The following PRKDC variants were observed in gnomAD, a reference collection of about 807,000 sequenced individuals.
PRKDC encodes DNA-dependent protein kinase catalytic subunit.
Under a neutral mutation model 486.9 loss-of-function variants are expected in PRKDC, and 82 were observed. The observed-to-expected ratio is 0.17, with a 90% CI of 0.14 to 0.20. The LOEUF (loss-of-function observed/expected upper bound fraction) is 0.20, where lower values mean the gene tolerates loss of function less well. Among genes scored for constraint, PRKDC ranks in the 10% least tolerant of loss-of-function variants. The pLI is 1.00. For synonymous variants in PRKDC, 1,895 were observed against 1,837.0 expected, an observed-to-expected ratio of 1.03 and a Z score of -0.81; for missense variants, 4,504 against 5,038.2, an observed-to-expected ratio of 0.89 and a Z score of 3.21.
At chr8:47,788,191 C>G (rs2154497752) in intron 76 of PRKDC, among the ~76,000 whole-genome samples, 1 of 152,344 alleles carries the variant, frequency 6.6e-6, no homozygotes, top group Middle Eastern at 3.4e-3. Flanking sequence ...GAACATTCGA[C>G]TCTTCTGGAG....
In PRKDC at chr8:47,887,577, A is replaced by G. The variant is rs988006727; in HGVS notation, c.4542T>C (p.Leu1514=). 5 of 1,593,198 alleles carry G rather than the reference A, an allele frequency of 3.1e-6. No homozygotes were observed. Among genetic ancestry groups the G allele is most frequent in the Non-Finnish European group, 4.3e-6 (5 of 1,169,720 alleles). The change falls in exon 35 of 86, where the codon CTT becomes CTC. Residue 1514 remains leucine, a synonymous_variant. Coordinates refer to ENST00000314191, the MANE Select transcript of PRKDC (RefSeq NM_006904.7). ...DLSCKQLASG[L]LELAFAFGGL... ...CTCCAAAAGCAAAGGCTAACTCCAG[A>G]AGTCCGCTGGCCAGCTGCTTACAAC...
At chr8:47,893,015 A>C in intron 31 of PRKDC, 124 bp downstream of exon 31, 1 of 1,181,430 alleles carries the variant, frequency 8.5e-7, no homozygotes, top group Non-Finnish European at 1.1e-6. Context: ...AGTGACATGA[A>C]AGCACGGGCA....
At position 47,773,257 on chromosome 8, in the gene PRKDC, G is replaced by C. The variant is rs77770830; in HGVS notation, c.*916C>G. On this transcript the variant is annotated 3_prime_UTR_variant, in exon 86 of 86. Coordinates refer to ENST00000314191, the MANE Select transcript of PRKDC (RefSeq NM_006904.7). ...CAGTTTGGGTGTGGAGGACTGGCGG[G>C]GGGGGACAGGGACTGCACATGGGAA... is the stretch of plus-strand genomic sequence containing the variant. 1,059 of 227,974 alleles carry C rather than the reference G, an allele frequency of 4.6e-3. 8 individuals carry two copies. The highest frequency in any genetic ancestry group is 0.01 in the South Asian group (56 of 5,534). 14.1% of individuals were successfully genotyped at this position (227,974 alleles called of 1,614,324 possible).
intron 31 of PRKDC, among the ~76,000 whole-genome samples, chr8:47,891,665 A>AGCC (rs1485671564): frequency 1.3e-5 from 2 of 152,066 alleles, no homozygotes; most frequent in African/African-American, 4.8e-5. Flanking sequence ...GCTTGCAGTG[A>AGCC]GCCAAGATCG....
At chr8:47,837,634 T>A (rs1215033973) in intron 56 of PRKDC, among the ~76,000 whole-genome samples, 1 of 152,064 alleles carries the variant, frequency 6.6e-6, no homozygotes, top group Non-Finnish European at 1.5e-5. Context: ...GCATATTTTT[T>A]ATGCCACAGA....
At chr8:47,866,151 C>A (rs566114924) in intron 40 of PRKDC, among the ~76,000 whole-genome samples, 1 of 134,338 alleles carries the variant, frequency 7.4e-6, no homozygotes, top group Non-Finnish European at 1.5e-5. Flanking sequence ...AGAGAAACTC[C>A]GTCGCAAAAA....
intron 62 of PRKDC, 140 bp downstream of exon 62, chr8:47,828,028 T>C (rs1029532240): frequency 7.3e-6 from 5 of 685,620 alleles, no homozygotes; most frequent in African/African-American, 1.9e-5. Flanking sequence ...ATTTGGGAAG[T>C]GGTAACCCAA....
chr8:47,845,072 C>G (rs898917650), intron 54 of PRKDC, among the ~76,000 whole-genome samples: 2 of 151,976 alleles, frequency 1.3e-5, no homozygotes, highest in African/African-American at 4.8e-5. Context: ...AAAAAATTAG[C>G]CAGGCGTGGT....
At position 47,836,507 on chromosome 8, in the gene PRKDC, A is replaced by G. The variant is rs373960418; in HGVS notation, c.7782T>C (p.Asp2594=). Residue 2594 remains aspartate (D), a synonymous_variant, in exon 58 of 86, where the codon GAT becomes GAC. Transcript: ENST00000314191. The part of the protein sequence containing the change: ...CEFQEYTIDS[D]WRFRSTVLTP... ...TGAGAACAGTACTTCGGAAACGCCAATCAGAATCAATGGTATATTCCTGTA... is the reference window on the plus strand; with the variant it reads ...TGAGAACAGTACTTCGGAAACGCCAGTCAGAATCAATGGTATATTCCTGTA... 2.7e-5 allele frequency: 44 copies of G among 1,601,918 alleles called. No individual in the cohort carries two copies. The highest frequency in any genetic ancestry group is 2.5e-4 in the East Asian group (11 of 44,516).
chr8:47,776,769 G>C lies in PRKDC; in HGVS notation c.12182+75C>G, dbSNP rs946190004. ...CAGAGTGTCAAGAGCTCAGCACTTT[G>C]TATATATGTTGGCTCCTCGAGAAAC... is the stretch of plus-strand genomic sequence containing the variant. On this transcript the variant is annotated intron_variant, in intron 85 of 85. Transcript: ENST00000314191. The C allele has an allele frequency of 1.9e-6, 3 of 1,540,136 alleles. No individual in the cohort carries two copies. In the East Asian group the frequency reaches 6.8e-5, roughly 35 times the overall value.
intron 19 of PRKDC, 60 bp downstream of exon 19, chr8:47,929,032 A>T (rs1472745309): frequency 1.6e-6 from 2 of 1,232,262 alleles, no homozygotes; most frequent in African/African-American, 1.5e-5. Context: ...GGATTTTTTC[A>T]ATAGATATTC....
intron 3 of PRKDC, 57 bp downstream of exon 3, chr8:47,957,114 A>G (rs892508594): frequency 6.7e-6 from 8 of 1,190,940 alleles, no homozygotes; most frequent in East Asian, 4.9e-5. Flanking sequence ...TCCTCACACC[A>G]TAAGTTAAAA....
intron 76 of PRKDC, among the ~76,000 whole-genome samples, chr8:47,785,717 C>T (rs1351956512): frequency 6.8e-6 from 1 of 146,228 alleles, no homozygotes; most frequent in Admixed American, 6.8e-5. Context: ...GCCTGGGTAT[C>T]CGAGTGAGAC....
chr8:47,944,533 T>C (rs1389139657), intron 7 of PRKDC, among the ~76,000 whole-genome samples: 2 of 150,098 alleles, frequency 1.3e-5, no homozygotes, highest in Admixed American at 6.6e-5. Flanking sequence ...GCCAAGATAT[T>C]ATGACAATTA....
chr8:47,887,536 G>A lies in PRKDC; in HGVS notation c.4572+11C>T, dbSNP rs781729761. On this transcript the variant is annotated intron_variant, in intron 35 of 85. Transcript: ENST00000314191. ...TTAGGGGAGTGCAGCATGCAGAGGC[G>A]TTTTTCCTACCAGTCCTCCAAAAGC... 29 of 1,565,658 alleles carry A rather than the reference G, an allele frequency of 1.9e-5. No individual in the cohort carries two copies. The highest frequency in any genetic ancestry group is 1.9e-5 in the Admixed American group (1 of 52,040).
At chr8:47,788,137 A>G (rs2086821163) in intron 76 of PRKDC, among the ~76,000 whole-genome samples, 2 of 152,370 alleles carry the variant, frequency 1.3e-5, no homozygotes, top group South Asian at 4.1e-4. Flanking sequence ...GACCCATGCT[A>G]AACAGAGAGA....
At chr8:47,934,638 T>C (rs2090316893) in intron 14 of PRKDC, among the ~76,000 whole-genome samples, 1 of 152,248 alleles carries the variant, frequency 6.6e-6, no homozygotes, top group South Asian at 2.1e-4. Context: ...ATCCACTGAA[T>C]GTGCTATCAT....
intron 74 of PRKDC, among the ~76,000 whole-genome samples, chr8:47,791,098 C>T (rs2086875312): frequency 1.3e-5 from 2 of 152,164 alleles, no homozygotes; most frequent in African/African-American, 2.4e-5. Flanking sequence ...AAAGCTTCTG[C>T]ACAGCAAAGG....
chr8:47,898,145 G>A (rs139146169), intron 29 of PRKDC, among the ~76,000 whole-genome samples: 140 of 152,294 alleles, frequency 9.2e-4, no homozygotes, highest in African/African-American at 3.3e-3. Flanking sequence ...AATGGTTCAT[G>A]CATATTCTAG....
Sources: allele counts gnomAD v4.1 joint callset (sites outside exome capture counted in the v4.1 genomes callset), GRCh38; gene constraint gnomAD v4.1.1; transcripts MANE v1.5; gene names NCBI Gene and HGNC (gene_info 2026-07-23, HGNC 2026-07-21).